The following NOC2L variants were observed in gnomAD, a reference collection of about 807,000 sequenced individuals.
NOC2L encodes nucleolar complex protein 2 homolog.
NOC2L carries 101 observed loss-of-function variants against 94.2 expected under a neutral mutation model. That is an observed-to-expected ratio of 1.07 (90% CI 0.91 to 1.26). The LOEUF (loss-of-function observed/expected upper bound fraction) is 1.26. Ranked by LOEUF, NOC2L falls within the 50% of genes most tolerant of loss-of-function variation. The pLI, the probability that NOC2L is intolerant of heterozygous loss-of-function variation, is 0.00. For synonymous variants in NOC2L, 531 were observed against 413.4 expected, an observed-to-expected ratio of 1.28 and a Z score of -3.45; for missense variants, 1,076 against 980.1, an observed-to-expected ratio of 1.10 and a Z score of -1.31.
Position 957,119 on chromosome 1 carries a change from A to G in NOC2L, c.334T>C (p.Ser112Pro). The G allele has an allele frequency of 1.2e-6, 2 of 1,614,028 alleles. No homozygotes were observed. Among genetic ancestry groups the G allele is most frequent in the Non-Finnish European group, 1.7e-6 (2 of 1,180,026 alleles). Residue 112 changes from serine to proline, a missense_variant, in exon 3 of 19, where the codon TCC (serine) becomes CCC (proline). Physicochemically the swap from Ser to Pro is moderately conservative, Grantham distance 74. Transcript: ENST00000327044. Reference sequence around the variant, plus strand: ...CTCACCTCCAGCACATCTGGCAGGGAGTGGAACGGCCCCTCTTCCTCCTCA... The same window carrying G: ...CTCACCTCCAGCACATCTGGCAGGGGGTGGAACGGCCCCTCTTCCTCCTCA... ...SSEEEEGPFH[S>P]LPDVLEEASE...
intron 8 of NOC2L, among the ~76,000 whole-genome samples, 175 bp from the exon 9 acceptor site, chr1:953,463 T>C (rs764220958): frequency 1.3e-5 from 2 of 152,252 alleles, no homozygotes; most frequent in Non-Finnish European, 2.9e-5. Context: ...AGAACAGGTG[T>C]GTTGCTCCTT....
Position 956,911 on chromosome 1 carries a change from A to G in NOC2L, c.469T>C (p.Trp157Arg), listed in dbSNP as rs144525853. ...VPVTVAMVER[W>R]KQAAKQRLTP... ...CTGCTCACCTTTGCTGCCTGCTTCC[A>G]TCTCTCAACCATGGCGACGGTCACA... The change falls in exon 4 of 19, where the codon TGG (tryptophan) becomes CGG (arginine). Residue 157 changes from tryptophan (W) to arginine (R), a missense_variant. Coordinates refer to ENST00000327044, the MANE Select transcript of NOC2L (RefSeq NM_015658.4). 6.2e-7 allele frequency: 1 copy of G among 1,613,846 alleles called. No individual in the cohort carries two copies. Among genetic ancestry groups the G allele is most frequent in the African/African-American group, 1.3e-5 (1 of 75,036 alleles).
In NOC2L at chr1:950,311, A is replaced by T. The variant is rs568465740; in HGVS notation, c.1443+816T>A. Among the ~76,000 whole-genome samples the T allele has an allele frequency of 1.9e-3, 283 of 152,250 alleles. 2 individuals are homozygous for T. The highest frequency in any genetic ancestry group is 6.4e-3 in the African/African-American group (267 of 41,516). On this transcript the variant is annotated intron_variant, in intron 12 of 18. Coordinates refer to ENST00000327044, the MANE Select transcript of NOC2L (RefSeq NM_015658.4). ...TAGGTGCACACAGGTACATAGATGC[A>T]CGCAGACACACATGCATGCACACAG...
chr1:956,751 CAGCCTCAGG>C, intron 4 of NOC2L, 134 bp downstream of exon 4: 1 of 1,209,454 alleles, frequency 8.3e-7, no homozygotes, highest in Non-Finnish European at 1.2e-6. Flanking sequence ...CCCACCAGCA[CAGCCTCAGG>C]CGCCTCAGGT....
chr1:951,244 G>T lies in NOC2L; in HGVS notation c.1332-6C>A. 6.4e-7 allele frequency: 1 copy of T among 1,569,838 alleles called. No individual in the cohort carries two copies. Among genetic ancestry groups the T allele is most frequent in the Non-Finnish European group, 8.6e-7 (1 of 1,157,028 alleles). Reference sequence around the variant, plus strand: ...AGCGGGCAGTGGGGATGAGCCTGGGGGTGGGAAGGCCGAGTGAGCAGAGGC... The same window carrying T: ...AGCGGGCAGTGGGGATGAGCCTGGGTGTGGGAAGGCCGAGTGAGCAGAGGC... On this transcript the variant is annotated splice_region_variant and splice_polypyrimidine_tract_variant and intron_variant, in intron 11 of 18. Coordinates refer to ENST00000327044, the MANE Select transcript of NOC2L (RefSeq NM_015658.4).
At chr1:947,342 C>T (rs927717895) in intron 14 of NOC2L, among the ~76,000 whole-genome samples, 1 of 152,198 alleles carries the variant, frequency 6.6e-6, no homozygotes, top group African/African-American at 2.4e-5. Context: ...AAGGGGGTCC[C>T]GGCTCTGTGC....
At chr1:957,049 G>A (rs774215810) in intron 3 of NOC2L, 24 bp from the exon 4 acceptor site, 22 of 1,613,952 alleles carry the variant, frequency 1.4e-5, no homozygotes, top group South Asian at 2.2e-5. Flanking sequence ...CTGAGCTGAA[G>A]GAGAGTGTAG....
intron 6 of NOC2L, among the ~76,000 whole-genome samples, chr1:955,545 C>T (rs1013470958): frequency 1.3e-5 from 2 of 152,212 alleles, no homozygotes; most frequent in African/African-American, 2.4e-5. Context: ...ACACACACAG[C>T]TCCAGGAAAC....
chr1:950,055 T>C (rs1642210472), intron 12 of NOC2L, among the ~76,000 whole-genome samples: 1 of 152,226 alleles, frequency 6.6e-6, no homozygotes. Context: ...CTGAGTGGCA[T>C]GTGCACGTGC....
rs746532747 is a variant in NOC2L at position 945,163 on chromosome 1, A to ATC, written c.2054-18_2054-17insGA. The ATC allele has an allele frequency of 6.3e-7, 1 of 1,583,614 alleles. No individual in the cohort carries two copies. The highest frequency in any genetic ancestry group is 1.1e-5 in the South Asian group (1 of 87,612). On this transcript the variant is annotated splice_polypyrimidine_tract_variant and intron_variant, in intron 17 of 18. Transcript: ENST00000327044. Reference sequence around the variant, plus strand: ...TCAGTATCCCTGAGGAACAAGAAGCAGAGTCCATATGACTCCCACCCACAG... The same window carrying ATC: ...TCAGTATCCCTGAGGAACAAGAAGCATCGAGTCCATATGACTCCCACCCACAG...
intron 1 of NOC2L, 41 bp downstream of exon 1, chr1:959,174 C>G: frequency 6.2e-7 from 1 of 1,611,832 alleles, no homozygotes; most frequent in Non-Finnish European, 8.5e-7. Context: ...GATACAGACA[C>G]CCACCGGGAG....
intron 14 of NOC2L, among the ~76,000 whole-genome samples, chr1:947,636 C>T (rs566005306): frequency 6.6e-6 from 1 of 152,360 alleles, no homozygotes; most frequent in South Asian, 2.1e-4. Flanking sequence ...CCCCCTCCTC[C>T]ACCCCACTCC....
chr1:950,437 G>A lies in NOC2L; in HGVS notation c.1443+690C>T, dbSNP rs1270348073. On this transcript the variant is annotated intron_variant, in intron 12 of 18. Coordinates refer to ENST00000327044, the MANE Select transcript of NOC2L (RefSeq NM_015658.4). ...CGCACAGGTACACACATGCAGACAG[G>A]TGCACACAGGTACACACGCATGTGC... Among the ~76,000 whole-genome samples, 3 of 150,482 alleles carry A rather than the reference G, an allele frequency of 2.0e-5. No homozygotes were observed. The South Asian group carries it at 6.3e-4, about 32-fold the overall frequency.
At chr1:945,327 C>A in intron 17 of NOC2L, 181 bp from the exon 18 acceptor site, 2 of 947,122 alleles carry the variant, frequency 2.1e-6, no homozygotes, top group Non-Finnish European at 3.1e-6. Flanking sequence ...AGTTACCAAT[C>A]CCAGTAGGCC....
At chr1:955,577 T>A (rs1642377338) in intron 6 of NOC2L, among the ~76,000 whole-genome samples, 1 of 152,084 alleles carries the variant, frequency 6.6e-6, no homozygotes, top group Non-Finnish European at 1.5e-5. Context: ...AGTGCAGAGA[T>A]CAAGGAGTAT....
rs1170069715 is a variant in NOC2L, at chr1:944,300, C to T, written c.*394G>A. ...AAAATGTGACTTCAAAGGAAAGGAA[C>T]AAATTTTCAAAGACTTGGGGGAGTG... On this transcript the variant is annotated 3_prime_UTR_variant, in exon 19 of 19. Transcript: ENST00000327044. 6.4e-6 allele frequency: 9 copies of T among 1,395,958 alleles called. No individual in the cohort carries two copies. Among genetic ancestry groups the T allele is most frequent in the Non-Finnish European group, 7.4e-6 (8 of 1,080,028 alleles). 86.5% of individuals were successfully genotyped at this position (1,395,958 alleles called of 1,614,324 possible).
intron 12 of NOC2L, among the ~76,000 whole-genome samples, chr1:949,653 G>T (rs897640109): frequency 6.6e-6 from 1 of 152,212 alleles, no homozygotes; most frequent in Non-Finnish European, 1.5e-5. Context: ...AAAGCACGTA[G>T]CCAAGGAGAT....
chr1:956,975 T>C lies in NOC2L; in HGVS notation c.405A>G (p.Arg135=). 1.2e-6 allele frequency: 2 copies of C among 1,613,806 alleles called. No homozygotes were observed. Among genetic ancestry groups the C allele is most frequent in the Non-Finnish European group, 1.7e-6 (2 of 1,179,746 alleles). ...TCTTCCCCTTCAGCCCTCTGGGGAC[T>C]CTGTCCCCATCTTCTCCTTCCTCCG... is the stretch of plus-strand genomic sequence containing the variant. The part of the protein sequence containing the change: ...DGAEEGEDGD[R]VPRGLKGKKN... The change falls in exon 4 of 19, where the codon AGA becomes AGG. Residue 135 remains arginine, a synonymous_variant. Coordinates refer to ENST00000327044, the MANE Select transcript of NOC2L (RefSeq NM_015658.4).
chr1:952,595 C>A lies in NOC2L; in HGVS notation c.1008G>T (p.Met336Ile). ...DTFLGPVLKQMYITYVRNCKF... is the reference protein window; with the variant it reads ...DTFLGPVLKQIYITYVRNCKF... ...TGCAGTTCCTCACATACGTGATGTA[C>A]ATTTGCTGCGGAGAGACCCGGGTCA... The change falls in exon 10 of 19, where the codon ATG (methionine) becomes ATT (isoleucine). Residue 336 changes from methionine to isoleucine, a missense_variant. This residue lies in a region of NOC2L where 615 missense variants were observed against 577.4 expected (regional missense o/e 1.07). Transcript: ENST00000327044. 1 of 1,613,684 alleles carries A rather than the reference C, an allele frequency of 6.2e-7. No individual in the cohort carries two copies.
Sources: gnomAD v4.1 joint callset for allele counts (sites outside exome capture counted in the v4.1 genomes callset) on GRCh38, gnomAD v4.1.1 for gene constraint, gnomAD v4.1.1 regional missense constraint, MANE v1.5 for transcripts, NCBI Gene and HGNC (gene_info 2026-07-23, HGNC 2026-07-21) for gene names.